RDH5: variants seen among roughly 807,000 people sequenced by gnomAD.
The protein encoded by RDH5 is 11-cis RDH.
RDH5 carries 25 observed loss-of-function variants against 24.0 expected under a neutral mutation model. That is an observed-to-expected ratio of 1.04 (90% CI 0.76 to 1.46). The LOEUF (loss-of-function observed/expected upper bound fraction) is 1.46. Ranked by LOEUF, RDH5 falls within the 40% of genes most tolerant of loss-of-function variation. The pLI is 0.00. For synonymous variants in RDH5, 170 were observed against 175.2 expected (o/e 0.97, Z 0.23); for missense variants, 369 against 410.3 (o/e 0.90, Z 0.87).
Position 55,724,414 on chromosome 12 carries a change from C to G in RDH5, c.826C>G (p.His276Asp). ...RCLEHALTAR[H>D]PRTRYSPGWD... ...CCTGGAGCATGCCCTGACTGCTCGA[C>G]ACCCCCGAACCCGCTACAGCCCAGG... Residue 276 changes from histidine (H) to aspartate (D), a missense_variant, in exon 5 of 5, where the codon CAC becomes GAC. Transcript: ENST00000257895. The G allele has an allele frequency of 6.2e-7, 1 of 1,614,224 alleles. No individual in the cohort carries two copies.
At chr12:55,722,688 A>G (rs1182450714) in intron 3 of RDH5, 1 of 151,866 alleles carries the variant, frequency 6.6e-6, no homozygotes, top group Non-Finnish European at 1.5e-5. Flanking sequence ...GGCACGTGCC[A>G]CCACTCCCAG....
At position 55,721,267 on chromosome 12, in the gene RDH5, A is replaced by G; in HGVS notation, c.83A>G (p.Asn28Ser). Residue 28 changes from asparagine to serine, a missense_variant, in exon 2 of 5, where the codon AAT becomes AGT. By Grantham distance (46) the Asn-to-Ser change is conservative (BLOSUM62 1). Coordinates refer to ENST00000257895, the MANE Select transcript of RDH5 (RefSeq NM_002905.5). The surrounding 1 kb of genome is among the most constrained non-coding windows in gnomAD (Gnocchi z 4.7). Reference protein sequence around the residue: ...LRDRQSLPASNAFVFITGCDS... With the variant: ...LRDRQSLPASSAFVFITGCDS... ...GACCGGCAGAGCCTGCCCGCCAGCA[A>G]TGCCTTTGTCTTCATCACCGGCTGT... The G allele has an allele frequency of 6.2e-7, 1 of 1,614,102 alleles. No individual in the cohort carries two copies. The highest frequency in any genetic ancestry group is 1.1e-5 in the South Asian group (1 of 91,082).
chr12:55,722,128 TTC>T, intron 3 of RDH5, 181 bp downstream of exon 3: 1 of 636,142 alleles, frequency 1.6e-6, no homozygotes, highest in Non-Finnish European at 2.7e-6. Flanking sequence ...AGTAGATTAC[TTC>T]TCTTTACCCA....
At position 55,722,068 on chromosome 12, in the gene RDH5, G is replaced by C. The variant is rs114820764; in HGVS notation, c.569+121G>C. The C allele has an allele frequency of 4.0e-4, 396 of 981,164 alleles. 2 individuals carry two copies. In the African/African-American group the frequency reaches 6.0e-3, roughly 15 times the overall value. 60.8% of individuals were successfully genotyped at this position (981,164 alleles called of 1,614,324 possible). A position where few individuals can be genotyped will look rare whatever the true frequency, so the allele number is the denominator to read the frequency against. On this transcript the variant is annotated intron_variant, in intron 3 of 4. Coordinates refer to ENST00000257895, the MANE Select transcript of RDH5 (RefSeq NM_002905.5). ...GTTAAGAAGAGACAGTTTAGGGCTA[G>C]ACTTCATGGGTTCAATGAAGTCTAC...
rs61733970 is a variant in RDH5 at position 55,721,859 on chromosome 12, A to G, written c.481A>G (p.Ile161Val). 1.9e-3 allele frequency: 2,999 copies of G among 1,614,044 alleles called. 45 individuals are homozygous for G. In the African/African-American group the frequency reaches 0.034, roughly 18 times the overall value. The change falls in exon 3 of 5, where the codon ATC becomes GTC. Residue 161 changes from isoleucine (I) to valine (V), a missense_variant. Coordinates refer to ENST00000257895, the MANE Select transcript of RDH5 (RefSeq NM_002905.5). This position sits in a 1 kb window ranked among gnomAD's most constrained non-coding sequence, Gnocchi z 4.7. ...LQQARGRVIN[I>V]TSVLGRLAAN... ...GCAAGCCCGGGGCCGGGTGATCAAC[A>G]TCACCAGCGTCCTGGGTCGCCTGGC...
At chr12:55,724,173 T>C (rs1877080783) in intron 4 of RDH5, 124 bp downstream of exon 4, 5 of 1,461,468 alleles carry the variant, frequency 3.4e-6, no homozygotes, top group Non-Finnish European at 4.7e-6. Context: ...AACAGGATGT[T>C]ACAAGAGTGC....
chr12:55,724,032 G>T lies in RDH5; in HGVS notation c.716G>T (p.Gly239Val). 2 of 1,611,242 alleles carry T rather than the reference G, an allele frequency of 1.2e-6. No individual in the cohort carries two copies. The highest frequency in any genetic ancestry group is 1.7e-6 in the Non-Finnish European group (2 of 1,179,842). ...CCTGCCACACAGGCCCACTATGGGG[G>T]GGCCTTCCTCACCAAGTGTGAGTAG... ...LPPATQAHYG[G>V]AFLTKYLKMQ... Residue 239 changes from glycine to valine, a missense_variant, in exon 4 of 5, where the codon GGG (glycine) becomes GTG (valine). Coordinates refer to ENST00000257895, the MANE Select transcript of RDH5 (RefSeq NM_002905.5).
At position 55,723,990 on chromosome 12, in the gene RDH5, G is replaced by T. The variant is rs567205022; in HGVS notation, c.674G>T (p.Cys225Phe). 9 of 1,613,556 alleles carry T rather than the reference G, an allele frequency of 5.6e-6. No homozygotes were observed. In the South Asian group the frequency reaches 9.9e-5, roughly 18 times the overall value. ...AGTCTGGAGAAAACCCTGCAGGCCT[G>T]CTGGGCACGGCTGCCTCCTGCCACA... The part of the protein sequence containing the change: ...LESLEKTLQA[C>F]WARLPPATQA... The change falls in exon 4 of 5, where the codon TGC (cysteine) becomes TTC (phenylalanine). Residue 225 changes from cysteine (C) to phenylalanine (F), a missense_variant. Physicochemically the swap from Cys to Phe is radical, Grantham distance 205 (BLOSUM62 -2). Transcript: ENST00000257895.
Position 55,724,057 on chromosome 12 carries a change from G to T in RDH5, c.733+8G>T, listed in dbSNP as rs778370845. On this transcript the variant is annotated splice_region_variant and intron_variant, in intron 4 of 4. Transcript: ENST00000257895. Reference sequence around the variant, plus strand: ...GGGCCTTCCTCACCAAGTGTGAGTAGCCAGGCCCACACAGGGGCACATGAA... The same window carrying T: ...GGGCCTTCCTCACCAAGTGTGAGTATCCAGGCCCACACAGGGGCACATGAA... 3 of 1,607,164 alleles carry T rather than the reference G, an allele frequency of 1.9e-6. No individual in the cohort carries two copies. Among genetic ancestry groups the T allele is most frequent in the Non-Finnish European group, 2.5e-6 (3 of 1,179,068 alleles).
rs571658392 is a variant in RDH5, at chr12:55,723,999, G to A, written c.683G>A (p.Arg228Gln). 51 of 1,613,432 alleles carry A rather than the reference G, an allele frequency of 3.2e-5. No individual in the cohort carries two copies. Among genetic ancestry groups the A allele is most frequent in the East Asian group, 2.5e-4 (11 of 44,884 alleles). Reference sequence around the variant, plus strand: ...AAAACCCTGCAGGCCTGCTGGGCACGGCTGCCTCCTGCCACACAGGCCCAC... The same window carrying A: ...AAAACCCTGCAGGCCTGCTGGGCACAGCTGCCTCCTGCCACACAGGCCCAC... Reference protein sequence around the residue: ...LEKTLQACWARLPPATQAHYG... With the variant: ...LEKTLQACWAQLPPATQAHYG... The change falls in exon 4 of 5, where the codon CGG (arginine) becomes CAG (glutamine). Residue 228 changes from arginine (R) to glutamine (Q), a missense_variant. Transcript: ENST00000257895.
At position 55,723,888 on chromosome 12, in the gene RDH5, G is replaced by C; in HGVS notation, c.572G>C (p.Arg191Pro). 6.2e-7 allele frequency: 1 copy of C among 1,613,766 alleles called. No individual in the cohort carries two copies. The highest frequency in any genetic ancestry group is 8.5e-7 in the Non-Finnish European group (1 of 1,180,028). ...GLEAFSDSLR[R>P]DVAHFGIRVS... ...ACTTCGCTCTGCCCCGACTCTAGGCGGGATGTAGCTCATTTTGGGATACGA... is the reference window on the plus strand; with the variant it reads ...ACTTCGCTCTGCCCCGACTCTAGGCCGGATGTAGCTCATTTTGGGATACGA... The change falls in exon 4 of 5, where the codon CGG becomes CCG. Residue 191 changes from arginine to proline, a missense_variant and splice_region_variant. Arg to Pro is a moderately radical substitution (Grantham distance 103, BLOSUM62 -2). Coordinates refer to ENST00000257895, the MANE Select transcript of RDH5 (RefSeq NM_002905.5).
At chr12:55,723,673 C>T (rs1355891168) in intron 3 of RDH5, 6 of 579,458 alleles carry the variant, frequency 1.0e-5, no homozygotes, top group Admixed American at 3.0e-5. Flanking sequence ...AAGAAAAAAA[C>T]GTGCTGACCC....
At chr12:55,723,855 A>AC (rs766801215) in intron 3 of RDH5, 31 bp from the exon 4 acceptor site, 2 of 1,610,932 alleles carry the variant, frequency 1.2e-6, no homozygotes, top group South Asian at 2.2e-5. Context: ...TAGGGCAAGA[A>AC]CCCAGCAACT....
In RDH5 at chr12:55,724,112, G is replaced by A. The variant is rs988261086; in HGVS notation, c.733+63G>A. On this transcript the variant is annotated intron_variant, in intron 4 of 4. Transcript: ENST00000257895. Reference sequence around the variant, plus strand: ...AACAAGTACCAGAAAGGCCAGTCCTGCATAAGCCTGCTAGGAGGTGGGTGG... The same window carrying A: ...AACAAGTACCAGAAAGGCCAGTCCTACATAAGCCTGCTAGGAGGTGGGTGG... 1.9e-6 allele frequency: 3 copies of A among 1,565,546 alleles called. No homozygotes were observed. The Admixed American group carries it at 5.4e-5, about 28-fold the overall frequency.
chr12:55,723,744 C>G, intron 3 of RDH5, 142 bp from the exon 4 acceptor site: 1 of 927,114 alleles, frequency 1.1e-6, no homozygotes, highest in Non-Finnish European at 1.7e-6. Flanking sequence ...CCCACTTGAC[C>G]CTTGTCCCGG....
Position 55,721,207 on chromosome 12 carries a change from G to C in RDH5, c.23G>C (p.Gly8Ala). The C allele has an allele frequency of 6.2e-7, 1 of 1,614,022 alleles. No homozygotes were observed. The highest frequency in any genetic ancestry group is 8.5e-7 in the Non-Finnish European group (1 of 1,180,028). Residue 8 changes from glycine (G) to alanine (A), a missense_variant, in exon 2 of 5, where the codon GGT becomes GCT. By Grantham distance (60) the Gly-to-Ala change is moderately conservative (BLOSUM62 0). Transcript: ENST00000257895. The surrounding 1 kb of genome is among the most constrained non-coding windows in gnomAD (Gnocchi z 4.7). ...GCTATGTGGCTGCCTCTTCTGCTGG[G>C]TGCCTTACTCTGGGCAGTGCTGTGG... is the stretch of plus-strand genomic sequence containing the variant. MWLPLLLGALLWAVLWLL... is the reference protein window; with the variant it reads MWLPLLLAALLWAVLWLL...
intron 1 of RDH5, among the ~76,000 whole-genome samples, 177 bp from the exon 2 acceptor site, chr12:55,720,976 C>G (rs1876884346): frequency 6.6e-6 from 1 of 151,668 alleles, no homozygotes; most frequent in Admixed American, 6.6e-5. Context: ...AAGTTAGCCA[C>G]AAATACAGGG....
rs781112960 is a variant in RDH5, at chr12:55,721,914, A to G, written c.536A>G (p.Lys179Arg). The G allele has an allele frequency of 1.3e-5, 21 of 1,613,326 alleles. No individual in the cohort carries two copies. In the South Asian group the frequency reaches 1.8e-4, roughly 14 times the overall value. The change falls in exon 3 of 5, where the codon AAA (lysine) becomes AGA (arginine). Residue 179 changes from lysine (K) to arginine (R), a missense_variant. By Grantham distance (26) the Lys-to-Arg change is conservative (BLOSUM62 2). Transcript: ENST00000257895. This position sits in a 1 kb window ranked among gnomAD's most constrained non-coding sequence, Gnocchi z 4.7. ...AANGGGYCVS[K>R]FGLEAFSDSL... ...AATGGTGGGGGCTACTGTGTCTCCA[A>G]ATTTGGCCTGGAGGCCTTCTCTGAC...
chr12:55,721,194 C>A lies in RDH5; in HGVS notation c.10C>A (p.Pro4Thr). ...CACTTGGGCTCCAGCTATGTGGCTGCCTCTTCTGCTGGGTGCCTTACTCTG... is the reference window on the plus strand; with the variant it reads ...CACTTGGGCTCCAGCTATGTGGCTGACTCTTCTGCTGGGTGCCTTACTCTG... MWL[P>T]LLLGALLWAV... The change falls in exon 2 of 5, where the codon CCT becomes ACT. Residue 4 changes from proline to threonine, a missense_variant. Pro to Thr is a conservative substitution (Grantham distance 38, BLOSUM62 -1). Transcript: ENST00000257895. This position sits in a 1 kb window ranked among gnomAD's most constrained non-coding sequence, Gnocchi z 4.7. 1 of 1,613,966 alleles carries A rather than the reference C, an allele frequency of 6.2e-7. No individual in the cohort carries two copies. Among genetic ancestry groups the A allele is most frequent in the Non-Finnish European group, 8.5e-7 (1 of 1,180,042 alleles).
Sources: allele counts gnomAD v4.1 joint callset (sites outside exome capture counted in the v4.1 genomes callset), GRCh38; gene constraint gnomAD v4.1.1; non-coding constraint Gnocchi (gnomAD v3.1); transcripts MANE v1.5; gene names NCBI Gene and HGNC (gene_info 2026-07-23, HGNC 2026-07-21).